Variants in DIAPH2 observed in about 807,000 individuals in gnomAD.
The protein encoded by DIAPH2 is protein diaphanous homolog 2.
A neutral mutation model predicts 92.7 loss-of-function variants in DIAPH2; 35 were observed. The ratio of observed to expected loss-of-function variants is 0.38; its 90% confidence interval spans 0.29 to 0.50. The LOEUF (loss-of-function observed/expected upper bound fraction) is 0.50, where lower values mean the gene tolerates loss of function less well. DIAPH2 is among the 20% of genes least tolerant of loss of function. DIAPH2 has a pLI of 0.94. For synonymous variants in DIAPH2, 301 were observed against 280.4 expected (o/e 1.07, Z -0.73); for missense variants, 701 against 819.5 (o/e 0.86, Z 1.77).
chrX:96,870,846 A>G (rs895088911), intron 4 of DIAPH2, among the ~76,000 whole-genome samples: 9 of 112,132 alleles, frequency 8.0e-5, no homozygotes, highest in Admixed American at 1.9e-4. Context: ...TACCTACTTA[A>G]AATGCAGTTT....
At position 96,943,437 on chromosome X, in the gene DIAPH2, A is replaced by G. The variant is rs180761076; in HGVS notation, c.1444+1301A>G. Among the ~76,000 whole-genome samples the G allele has an allele frequency of 2.2e-4, 24 of 111,400 alleles. No homozygotes were observed. In the East Asian group the frequency reaches 5.9e-3, roughly 27 times the overall value. On this transcript the variant is annotated intron_variant, in intron 13 of 26. Transcript: ENST00000324765. ...TCAGAAAGCTTGTGCCAATTTACCCAGAAGTGATTGTGAATTTTAGCCTCA... is the reference window on the plus strand; with the variant it reads ...TCAGAAAGCTTGTGCCAATTTACCCGGAAGTGATTGTGAATTTTAGCCTCA...
chrX:97,040,780 A>T (rs1220508731), intron 17 of DIAPH2, among the ~76,000 whole-genome samples: 2 of 110,293 alleles, frequency 1.8e-5, no homozygotes, highest in African/African-American at 6.6e-5. Flanking sequence ...GCATTTCCTA[A>T]TTTGAAAATG....
intron 9 of DIAPH2, among the ~76,000 whole-genome samples, chrX:96,924,069 C>T (rs1851773894): frequency 9.0e-6 from 1 of 111,530 alleles, no homozygotes; most frequent in African/African-American, 3.3e-5. Context: ...TGTAAATTAG[C>T]CATTAATGTA....
rs1360976286 is a variant in DIAPH2 at position 97,353,818 on chromosome X, A to G, written c.3009+5538A>G. 2.7e-5 allele frequency among the ~76,000 whole-genome samples: 3 copies of G among 111,030 alleles called. 1 individual carries two copies. Among genetic ancestry groups the G allele is most frequent in the Admixed American group, 1.9e-4 (2 of 10,295 alleles). ...TTCAGGCTTGCTGCTTCTACTTCCCAGATTGACTGATTGATTGAGACCGGG... is the reference window on the plus strand; with the variant it reads ...TTCAGGCTTGCTGCTTCTACTTCCCGGATTGACTGATTGATTGAGACCGGG... On this transcript the variant is annotated intron_variant, in intron 24 of 26. Coordinates refer to ENST00000324765, the MANE Select transcript of DIAPH2 (RefSeq NM_006729.5).
chrX:96,781,207 A>C (rs1209405228), intron 4 of DIAPH2, among the ~76,000 whole-genome samples: 2 of 111,815 alleles, frequency 1.8e-5, no homozygotes, highest in African/African-American at 6.5e-5. Flanking sequence ...TTGAAGGGTC[A>C]TGAGAAGCAG....
intron 17 of DIAPH2, among the ~76,000 whole-genome samples, chrX:97,065,047 G>T (rs764005571): frequency 9.0e-6 from 1 of 111,613 alleles, no homozygotes; most frequent in East Asian, 2.8e-4. Context: ...TTCTCAACAA[G>T]AATTGTCCTA....
Position 97,466,827 on chromosome X carries a change from T to G in DIAPH2, c.3241+37082T>G, listed in dbSNP as rs939870206. 8.0e-5 allele frequency among the ~76,000 whole-genome samples: 9 copies of G among 112,352 alleles called. No homozygotes were observed. In the Admixed American group the frequency reaches 8.5e-4, roughly 11 times the overall value. On this transcript the variant is annotated intron_variant, in intron 26 of 26. Transcript: ENST00000324765. ...TGTTTGCCTGGTTTTATGTTGGCATTTAGAGTCTATCTTTATTTTGGTAGC... is the reference window on the plus strand; with the variant it reads ...TGTTTGCCTGGTTTTATGTTGGCATGTAGAGTCTATCTTTATTTTGGTAGC...
intron 20 of DIAPH2, among the ~76,000 whole-genome samples, chrX:97,106,825 A>G: frequency 8.9e-6 from 1 of 111,862 alleles, no homozygotes. Context: ...CCAGTTACTC[A>G]GGAGGCTGAG....
At chrX:97,030,244 G>A (rs1251990275) in intron 17 of DIAPH2, among the ~76,000 whole-genome samples, 1 of 111,544 alleles carries the variant, frequency 9.0e-6, no homozygotes, top group African/African-American at 3.3e-5. Context: ...TAAGGTAGTA[G>A]GGATGGAGAA....
chrX:97,257,634 T>G (rs1023379499), intron 23 of DIAPH2, among the ~76,000 whole-genome samples: 1 of 111,796 alleles, frequency 8.9e-6, no homozygotes, highest in African/African-American at 3.3e-5. Flanking sequence ...TTCTTTCAGA[T>G]GCCAAGTATT....
rs1161990134 is a variant in DIAPH2, at chrX:96,890,400, A to G, written c.587+8682A>G. Reference sequence around the variant, plus strand: ...CTCTATAAGGCTAGAGGATTTCCTAATGTTTCATTATTTTTTGTATTTATA... The same window carrying G: ...CTCTATAAGGCTAGAGGATTTCCTAGTGTTTCATTATTTTTTGTATTTATA... On this transcript the variant is annotated intron_variant, in intron 5 of 26. Coordinates refer to ENST00000324765, the MANE Select transcript of DIAPH2 (RefSeq NM_006729.5). Among the ~76,000 whole-genome samples the G allele has an allele frequency of 3.8e-4, 43 of 111,847 alleles. No individual in the cohort carries two copies. In the Admixed American group the frequency reaches 4.1e-3, roughly 11 times the overall value.
intron 23 of DIAPH2, among the ~76,000 whole-genome samples, chrX:97,306,836 T>C (rs936016553): frequency 5.4e-5 from 6 of 112,148 alleles, no homozygotes; most frequent in African/African-American, 1.9e-4. Flanking sequence ...TTAAAGGAAC[T>C]AGCTTTAAGC....
chrX:97,350,136 C>T (rs1009726498), intron 24 of DIAPH2, among the ~76,000 whole-genome samples: 40 of 109,640 alleles, frequency 3.6e-4, no homozygotes, highest in Non-Finnish European at 7.0e-4. Context: ...ATGGTGAAAC[C>T]CTGTCTCTAC....
intron 26 of DIAPH2, among the ~76,000 whole-genome samples, chrX:97,541,160 C>G (rs1273028904): frequency 9.0e-6 from 1 of 111,613 alleles, no homozygotes; most frequent in Non-Finnish European, 1.9e-5. Flanking sequence ...AAGCGACAAA[C>G]TAGAATTCTG....
intron 25 of DIAPH2, among the ~76,000 whole-genome samples, chrX:97,399,772 C>A (rs914968346): frequency 8.9e-6 from 1 of 112,385 alleles, no homozygotes; most frequent in Non-Finnish European, 1.9e-5. Flanking sequence ...GTAGAAGGAC[C>A]TGTTTTTCTC....
Position 97,331,694 on chromosome X carries a change from G to A in DIAPH2, c.2845-16422G>A, listed in dbSNP as rs1442240387. Among the ~76,000 whole-genome samples the A allele has an allele frequency of 6.3e-5, 7 of 111,802 alleles. No individual in the cohort carries two copies. The Admixed American group carries it at 6.7e-4, about 11-fold the overall frequency. On this transcript the variant is annotated intron_variant, in intron 23 of 26. Transcript: ENST00000324765. ...GTATTATATTAAAGTACTTTATATCGTGAAATGCACTTGTTTTCAACCATG... is the reference window on the plus strand; with the variant it reads ...GTATTATATTAAAGTACTTTATATCATGAAATGCACTTGTTTTCAACCATG...
intron 22 of DIAPH2, among the ~76,000 whole-genome samples, chrX:97,161,491 C>T (rs777820865): frequency 9.1e-6 from 1 of 110,290 alleles, no homozygotes; most frequent in South Asian, 3.9e-4. Context: ...ACCTTCACCT[C>T]CTGGGCTCAA....
At chrX:97,538,891 A>T (rs1400388687) in intron 26 of DIAPH2, among the ~76,000 whole-genome samples, 1 of 112,251 alleles carries the variant, frequency 8.9e-6, no homozygotes, top group Non-Finnish European at 1.9e-5. Flanking sequence ...CCATACATAG[A>T]TTCAAGACTC....
intron 15 of DIAPH2, among the ~76,000 whole-genome samples, chrX:96,957,124 G>A (rs2065815934): frequency 8.9e-6 from 1 of 112,262 alleles, no homozygotes; most frequent in Non-Finnish European, 1.9e-5. Context: ...GGGTTAAAAC[G>A]ATTCTCCTGC....
Sources: gnomAD v4.1 joint callset for allele counts (sites outside exome capture counted in the v4.1 genomes callset) on GRCh38, gnomAD v4.1.1 for gene constraint, MANE v1.5 for transcripts, NCBI Gene and HGNC (gene_info 2026-07-23, HGNC 2026-07-21) for gene names.